The following LHFPL3 variants were observed in gnomAD, a reference collection of about 807,000 sequenced individuals.
LHFPL3 encodes the protein LHFPL tetraspan subfamily member 3 protein.
LHFPL3 carries 5 observed loss-of-function variants against 19.3 expected under a neutral mutation model. The observed-to-expected ratio is 0.26, with a 90% CI of 0.14 to 0.54. The LOEUF is 0.54. Among genes scored for constraint, LHFPL3 ranks in the 20% least tolerant of loss-of-function variants. The pLI, the probability that LHFPL3 is intolerant of heterozygous loss-of-function variation, is 0.94. For missense variants in LHFPL3, 249 were observed against 307.4 expected (o/e 0.81, Z 1.42); for synonymous variants, 133 against 126.2 (o/e 1.05, Z -0.36).
At chr7:104,853,136 C>T (rs116006086) in intron 2 of LHFPL3, among the ~76,000 whole-genome samples, 3,329 of 152,282 alleles carry the variant, frequency 0.022, 118 homozygotes, top group African/African-American at 0.076. Context: ...CAGAGCTCAA[C>T]GAGGAGCAAG....
At chr7:104,551,659 C>A (rs62485146) in intron 1 of LHFPL3, among the ~76,000 whole-genome samples, 2,507 of 152,228 alleles carry the variant, frequency 0.016, 53 homozygotes, top group East Asian at 0.12. Flanking sequence ...GAAAACCAGG[C>A]ATGTTCTCCT....
intron 2 of LHFPL3, among the ~76,000 whole-genome samples, chr7:104,737,574 A>C (rs996032667): frequency 6.6e-6 from 1 of 152,222 alleles, no homozygotes; most frequent in Non-Finnish European, 1.5e-5. Flanking sequence ...TGATACGTAA[A>C]TATATCATAG....
Position 104,689,279 on chromosome 7 carries a change from G to C in LHFPL3, c.446-47396G>C, listed in dbSNP as rs550258509. ...GGCACTCAACTGTCAAAGGCAAGGTGGGTGTAGTTACCACAGTGGACAGCA... is the reference window on the plus strand; with the variant it reads ...GGCACTCAACTGTCAAAGGCAAGGTCGGTGTAGTTACCACAGTGGACAGCA... On this transcript the variant is annotated intron_variant, in intron 1 of 2. Transcript: ENST00000424859. 4.6e-5 allele frequency among the ~76,000 whole-genome samples: 7 copies of C among 152,250 alleles called. No individual in the cohort carries two copies. The South Asian group carries it at 1.5e-3, about 32-fold the overall frequency.
chr7:104,535,685 G>A (rs10081349), intron 1 of LHFPL3, among the ~76,000 whole-genome samples: 2,451 of 152,302 alleles, frequency 0.016, 69 homozygotes, highest in African/African-American at 0.056. Flanking sequence ...CCCTGTGCCC[G>A]TGGAGGATGT....
At chr7:104,576,411 A>T (rs1463032900) in intron 1 of LHFPL3, among the ~76,000 whole-genome samples, 1 of 152,326 alleles carries the variant, frequency 6.6e-6, no homozygotes, top group East Asian at 1.9e-4. Context: ...CACTATTTAT[A>T]CTTAGATTGT....
chr7:104,817,166 C>A (rs535358311), intron 2 of LHFPL3, among the ~76,000 whole-genome samples: 1 of 152,192 alleles, frequency 6.6e-6, no homozygotes, highest in Non-Finnish European at 1.5e-5. Flanking sequence ...TTGCTCAGCG[C>A]GGGCTACGTT....
chr7:104,855,915 T>C (rs1791497442), intron 2 of LHFPL3, among the ~76,000 whole-genome samples: 2 of 152,150 alleles, frequency 1.3e-5, no homozygotes, highest in Admixed American at 1.3e-4. Flanking sequence ...TCCAGATCTT[T>C]ATAGCAAATC....
intron 2 of LHFPL3, among the ~76,000 whole-genome samples, chr7:104,796,258 G>C (rs1417862850): frequency 1.3e-5 from 2 of 152,168 alleles, no homozygotes; most frequent in African/African-American, 2.4e-5. Context: ...GTGTGTGACC[G>C]GGGGGCTGGT....
chr7:104,579,821 A>G lies in LHFPL3; in HGVS notation c.446-156854A>G, dbSNP rs780838696. ...AAAGAACTATGCTAGCATTTAACAC[A>G]GCAGTGAGTTCAGACAGTTTCTGCC... On this transcript the variant is annotated intron_variant, in intron 1 of 2. Coordinates refer to ENST00000424859, the MANE Select transcript of LHFPL3 (RefSeq NM_199000.3). Among the ~76,000 whole-genome samples, 102 of 152,300 alleles carry G rather than the reference A, an allele frequency of 6.7e-4. 1 individual carries two copies. The highest frequency in any genetic ancestry group is 5.9e-4 in the Admixed American group (9 of 15,296).
chr7:104,507,047 A>G (rs41044), intron 1 of LHFPL3, among the ~76,000 whole-genome samples: 1 of 152,212 alleles, frequency 6.6e-6, no homozygotes, highest in East Asian at 1.9e-4. Flanking sequence ...CTCTATTTAT[A>G]CATTGCATTA....
intron 1 of LHFPL3, among the ~76,000 whole-genome samples, chr7:104,542,743 A>C (rs2115880478): frequency 6.6e-6 from 1 of 152,298 alleles, no homozygotes; most frequent in African/African-American, 2.4e-5. Flanking sequence ...TACTTTGCCC[A>C]GTGCAAGGGC....
At chr7:104,357,660 G>C (rs993484242) in intron 1 of LHFPL3, among the ~76,000 whole-genome samples, 1 of 152,068 alleles carries the variant, frequency 6.6e-6, no homozygotes, top group Non-Finnish European at 1.5e-5. Context: ...AGACTGGTTG[G>C]GCAAGTCTGA....
chr7:104,391,679 G>A (rs1309797342), intron 1 of LHFPL3, among the ~76,000 whole-genome samples: 1 of 152,066 alleles, frequency 6.6e-6, no homozygotes, highest in East Asian at 1.9e-4. Context: ...CCCTTTTTTG[G>A]TTCTATATGA....
intron 2 of LHFPL3, among the ~76,000 whole-genome samples, chr7:104,872,009 A>G (rs551327852): frequency 1.3e-5 from 2 of 150,144 alleles, no homozygotes; most frequent in South Asian, 4.2e-4. Context: ...CTCTATTAAA[A>G]TTTTTTTTTC....
intron 2 of LHFPL3, among the ~76,000 whole-genome samples, chr7:104,779,369 T>C (rs1562989987): frequency 6.6e-6 from 1 of 152,252 alleles, no homozygotes; most frequent in African/African-American, 2.4e-5. Context: ...AAATGACTTA[T>C]TTATTTTTGT....
intron 1 of LHFPL3, among the ~76,000 whole-genome samples, chr7:104,620,742 A>G (rs1238500128): frequency 6.6e-6 from 1 of 152,184 alleles, no homozygotes; most frequent in Non-Finnish European, 1.5e-5. Flanking sequence ...TGAAATGGCA[A>G]TCATTCCTGT....
In LHFPL3 at chr7:104,726,055, C is replaced by CAAAAAAAAA. The variant is rs56697785; in HGVS notation, c.446-10607_446-10599dup. 1.9e-3 allele frequency among the ~76,000 whole-genome samples: 144 copies of CAAAAAAAAA among 75,074 alleles called. 4 individuals carry two copies. Among genetic ancestry groups the CAAAAAAAAA allele is most frequent in the African/African-American group, 7.4e-3 (137 of 18,480 alleles). The allele number at this position is 75,074 out of a possible 152,430, so 49.3% of individuals were successfully genotyped here. ...TGACAGAGTGAGACTCCATCTCAGG[C>CAAAAAAAAA]AAAAAAAAAAAAAAAAAAAAATTCT... On this transcript the variant is annotated intron_variant, in intron 1 of 2. Coordinates refer to ENST00000424859, the MANE Select transcript of LHFPL3 (RefSeq NM_199000.3).
intron 1 of LHFPL3, among the ~76,000 whole-genome samples, chr7:104,680,141 T>C (rs1792669279): frequency 6.6e-6 from 1 of 152,172 alleles, no homozygotes; most frequent in South Asian, 2.1e-4. Flanking sequence ...CGCAATGAGC[T>C]GAACGTGAAG....
At chr7:104,381,165 G>A (rs1484030381) in intron 1 of LHFPL3, among the ~76,000 whole-genome samples, 1 of 152,172 alleles carries the variant, frequency 6.6e-6, no homozygotes, top group Non-Finnish European at 1.5e-5. Context: ...GTGACATTTA[G>A]CTTAGGAATG....
Sources: allele counts gnomAD v4.1 joint callset (sites outside exome capture counted in the v4.1 genomes callset), GRCh38; gene constraint gnomAD v4.1.1; transcripts MANE v1.5; gene names NCBI Gene and HGNC (gene_info 2026-07-23, HGNC 2026-07-21).